Variants in YWHAE observed in about 807,000 individuals in gnomAD.
YWHAE encodes 14-3-3 protein epsilon.
In YWHAE, 4 loss-of-function variants were observed where a neutral mutation model predicts 30.1. The ratio of observed to expected loss-of-function variants is 0.13; its 90% CI spans 0.07 to 0.30. YWHAE has a LOEUF of 0.30. Ranked by LOEUF, YWHAE falls within the 10% of genes least tolerant of loss-of-function variation. The probability of loss-of-function intolerance (pLI) is 1.00; values close to 1 mark genes in which losing one functional copy is unlikely to be tolerated. For synonymous variants in YWHAE, 118 were observed against 111.8 expected (o/e 1.06, Z -0.35); for missense variants, 121 against 315.9 (o/e 0.38, Z 4.68).
At chr17:1,398,758 G>A (rs896830343) in intron 1 of YWHAE, 7 of 152,138 alleles carry the variant, frequency 4.6e-5, no homozygotes, top group African/African-American at 1.4e-4. Context: ...AGAGGATTAA[G>A]AATAAACTTC....
intron 1 of YWHAE, among the ~76,000 whole-genome samples, chr17:1,396,078 TATTGCA>T (rs1377311018): frequency 6.7e-6 from 1 of 148,992 alleles, no homozygotes; most frequent in African/African-American, 2.5e-5. Context: ...GAGATCGCGC[TATTGCA>T]CTACAGCCTG....
At chr17:1,374,303 C>T (rs148425384) in intron 1 of YWHAE, among the ~76,000 whole-genome samples, 2 of 138,358 alleles carry the variant, frequency 1.4e-5, no homozygotes, top group Admixed American at 7.7e-5. Context: ...GGCAACAGAG[C>T]GAGACTTGGT....
At chr17:1,371,419 G>A (rs1450385100) in intron 1 of YWHAE, among the ~76,000 whole-genome samples, 2 of 152,084 alleles carry the variant, frequency 1.3e-5, no homozygotes, top group Admixed American at 6.6e-5. Context: ...ATACATTGAA[G>A]GGAATTTTTT....
chr17:1,382,375 A>G (rs1374258933), intron 1 of YWHAE, among the ~76,000 whole-genome samples: 5 of 98,250 alleles, frequency 5.1e-5, no homozygotes, highest in South Asian at 3.2e-4. Context: ...ATGGAGTCTC[A>G]CTCTGTTGAC....
Position 1,344,957 on chromosome 17 carries a change from C to T in YWHAE, c.*490G>A. ...TACAACGAAGTCCCTCCCCAAACCA[C>T]CTTTAACCATCTCAAGCTAACACCC... On this transcript the variant is annotated 3_prime_UTR_variant, in exon 6 of 6. Transcript: ENST00000264335. 1 of 234,918 alleles carries T rather than the reference C, an allele frequency of 4.3e-6. No homozygotes were observed. Among genetic ancestry groups the T allele is most frequent in the East Asian group, 6.0e-5 (1 of 16,534 alleles). The allele number at this position is 234,918 out of a possible 1,614,324, so 14.6% of individuals were successfully genotyped here. A position where few individuals can be genotyped will look rare whatever the true frequency, so the allele number is the denominator to read the frequency against.
chr17:1,391,935 T>C (rs2073394510), intron 1 of YWHAE, among the ~76,000 whole-genome samples: 2 of 152,174 alleles, frequency 1.3e-5, no homozygotes, highest in South Asian at 4.1e-4. Flanking sequence ...AAAATTTTTT[T>C]GCCAGCCATG....
At chr17:1,391,578 C>T (rs1479061293) in intron 1 of YWHAE, among the ~76,000 whole-genome samples, 1 of 152,122 alleles carries the variant, frequency 6.6e-6, no homozygotes, top group African/African-American at 2.4e-5. Context: ...TTTAAATGAA[C>T]ATCTGAAATT....
In YWHAE at chr17:1,344,508, T is replaced by A. The variant is rs2072484621; in HGVS notation, c.*939A>T. 1 of 197,136 alleles carries A rather than the reference T, an allele frequency of 5.1e-6. No individual in the cohort carries two copies. Among genetic ancestry groups the A allele is most frequent in the African/African-American group, 2.3e-5 (1 of 43,332 alleles). The allele number at this position is 197,136 out of a possible 1,614,324, so 12.2% of individuals were successfully genotyped here. ...CAGTGTGTTTGGACTAGAGATTTTA[T>A]TTTAGAAGTATAAAGGATGGAGGCG... On this transcript the variant is annotated 3_prime_UTR_variant, in exon 6 of 6. Coordinates refer to ENST00000264335, the MANE Select transcript of YWHAE (RefSeq NM_006761.5).
chr17:1,370,298 T>C (rs1033378845), intron 1 of YWHAE, among the ~76,000 whole-genome samples: 6 of 151,078 alleles, frequency 4.0e-5, no homozygotes, highest in Non-Finnish European at 7.4e-5. Context: ...AGTGAATTTT[T>C]TTGTGTGTAT....
chr17:1,381,604 A>G (rs1398139160), intron 1 of YWHAE, among the ~76,000 whole-genome samples: 1 of 151,912 alleles, frequency 6.6e-6, no homozygotes, highest in African/African-American at 2.4e-5. Context: ...CTATCAACTA[A>G]TCAAAACGTA....
intron 2 of YWHAE, among the ~76,000 whole-genome samples, chr17:1,363,516 T>G (rs541101178): frequency 7.2e-5 from 11 of 152,216 alleles, no homozygotes; most frequent in African/African-American, 2.6e-4. Context: ...CTGCCCGCCT[T>G]GGCCTCCCAA....
rs148425384 is a variant in YWHAE, at chr17:1,374,303, C to A, written c.65-9245G>T. Among the ~76,000 whole-genome samples, 23 of 138,458 alleles carry A rather than the reference C, an allele frequency of 1.7e-4. 1 individual carries two copies. In the East Asian group the frequency reaches 4.4e-3, roughly 27 times the overall value. 90.8% of individuals were successfully genotyped at this position (138,458 alleles called of 152,430 possible). A position where few individuals can be genotyped will look rare whatever the true frequency, so the allele number is the denominator to read the frequency against. On this transcript the variant is annotated intron_variant, in intron 1 of 5. Transcript: ENST00000264335. ...ACTGAACTCCAGCCTGGCAACAGAG[C>A]GAGACTTGGTCTCAGGAAAAAAAAA...
intron 1 of YWHAE, among the ~76,000 whole-genome samples, chr17:1,385,171 T>C (rs889290440): frequency 1.5e-5 from 2 of 130,888 alleles, no homozygotes; most frequent in Non-Finnish European, 3.3e-5. Context: ...AAAGTAAAGA[T>C]AAAATGAATA....
intron 1 of YWHAE, among the ~76,000 whole-genome samples, chr17:1,378,591 A>G (rs2073158503): frequency 6.6e-6 from 1 of 152,248 alleles, no homozygotes; most frequent in South Asian, 2.1e-4. Flanking sequence ...ACTAAAAAGC[A>G]TGTCTAAAAA....
chr17:1,359,813 TG>T (rs150464506), intron 4 of YWHAE, among the ~76,000 whole-genome samples: 21 of 5,452 alleles, frequency 3.9e-3, no homozygotes, highest in East Asian at 0.014. Flanking sequence ...ACTAAATTGT[TG>T]TGTGTGTGTG....
At chr17:1,372,524 C>T (rs2150861073) in intron 1 of YWHAE, among the ~76,000 whole-genome samples, 1 of 152,346 alleles carries the variant, frequency 6.6e-6, no homozygotes, top group Middle Eastern at 3.4e-3. Flanking sequence ...ATCATTTCTA[C>T]CTTTTTATTT....
At chr17:1,355,146 A>T (rs1208978759) in intron 4 of YWHAE, among the ~76,000 whole-genome samples, 1 of 116,152 alleles carries the variant, frequency 8.6e-6, no homozygotes, top group East Asian at 2.4e-4. Context: ...AAAAAAAAAA[A>T]AATTTTTTTT....
chr17:1,354,086 C>G, intron 5 of YWHAE, 125 bp downstream of exon 5: 1 of 1,253,716 alleles, frequency 8.0e-7, no homozygotes, highest in East Asian at 2.4e-5. Flanking sequence ...ATTACAATTT[C>G]ATAGAGGGCA....
intron 5 of YWHAE, among the ~76,000 whole-genome samples, chr17:1,353,161 G>A (rs186751316): frequency 8.2e-4 from 125 of 152,260 alleles, no homozygotes; most frequent in African/African-American, 2.8e-3. Context: ...AAAACAGGCC[G>A]GGCACGGTGG....
Sources: allele counts gnomAD v4.1 joint callset (sites outside exome capture counted in the v4.1 genomes callset), GRCh38; gene constraint gnomAD v4.1.1; transcripts MANE v1.5; gene names NCBI Gene and HGNC (gene_info 2026-07-23, HGNC 2026-07-21).